The following ADGRB2 variants were observed in gnomAD, a reference collection of about 807,000 sequenced individuals.
ADGRB2 encodes brain-specific angiogenesis inhibitor 2.
Under a neutral mutation model 178.7 loss-of-function variants are expected in ADGRB2, and 47 were observed. That is an observed-to-expected ratio of 0.26 (90% CI 0.21 to 0.34). The LOEUF is 0.34. Among genes scored for constraint, ADGRB2 ranks in the 10% least tolerant of loss-of-function variants. The pLI is 1.00. For missense variants in ADGRB2, 1,584 were observed against 2,180.8 expected (o/e 0.73, Z 5.45); for synonymous variants, 870 against 912.4 (o/e 0.95, Z 0.84).
Position 31,732,605 on chromosome 1 carries a change from T to C in ADGRB2, c.3632A>G (p.Asp1211Gly). 6.2e-7 allele frequency: 1 copy of C among 1,613,938 alleles called. No individual in the cohort carries two copies. Among genetic ancestry groups the C allele is most frequent in the Non-Finnish European group, 8.5e-7 (1 of 1,179,968 alleles). ...CACCCCCATCTGGCACTTCACCACA[T>C]CCTGGACCTGGGGACAGAGGGCGCC... ...VHCFLRREVQDVVKCQMGVCR... is the reference protein window; with the variant it reads ...VHCFLRREVQGVVKCQMGVCR... The change falls in exon 27 of 33, where the codon GAT becomes GGT. Residue 1211 changes from aspartate to glycine, a missense_variant. This residue lies in a region of ADGRB2 where 865 missense variants were observed against 1,192.8 expected (regional missense o/e 0.73). Coordinates refer to ENST00000373658, the MANE Select transcript of ADGRB2 (RefSeq NM_001364857.2).
At position 31,744,378 on chromosome 1, in the gene ADGRB2, C is replaced by A; in HGVS notation, c.923-21G>T. On this transcript the variant is annotated intron_variant, in intron 5 of 32. Transcript: ENST00000373658. This position sits in a 1 kb window ranked among gnomAD's most constrained non-coding sequence, Gnocchi z 6.7. ...GTCGCCTACGAGAGAGGGACAGCGT[C>A]GGCGGCAGGGGGCACCTCCCAAGCA... is the stretch of plus-strand genomic sequence containing the variant. 1.9e-6 allele frequency: 3 copies of A among 1,547,636 alleles called. No homozygotes were observed. Among genetic ancestry groups the A allele is most frequent in the South Asian group, 1.2e-5 (1 of 83,904 alleles).
chr1:31,742,106 G>C lies in ADGRB2; in HGVS notation c.1364C>G (p.Thr455Arg). The C allele has an allele frequency of 6.2e-7, 1 of 1,613,192 alleles. No homozygotes were observed. The change falls in exon 8 of 33, where the codon ACA becomes AGA. Residue 455 changes from threonine (T) to arginine (R), a missense_variant. By Grantham distance (71) the Thr-to-Arg change is moderately conservative. Around this residue, in one of 3 missense-constraint regions of ADGRB2, gnomAD observed 657 missense variants for 847.6 expected, o/e 0.78. Transcript: ENST00000373658. ...KCSVAGPAWA[T>R]CTGALTDTRE... Reference sequence around the variant, plus strand: ...GGTGTCAGTGAGGGCACCCGTGCATGTGGCCCAGGCTGGGCCCGCCACGCT... The same window carrying C: ...GGTGTCAGTGAGGGCACCCGTGCATCTGGCCCAGGCTGGGCCCGCCACGCT...
At chr1:31,736,182 G>A (rs1382118594) in intron 22 of ADGRB2, 139 bp downstream of exon 22, 3 of 1,091,560 alleles carry the variant, frequency 2.7e-6, no homozygotes, top group African/African-American at 1.6e-5. Flanking sequence ...CCTCAGTCAG[G>A]GAAACTGAAG....
intron 4 of ADGRB2, among the ~76,000 whole-genome samples, chr1:31,747,022 GC>G (rs1646313400): frequency 6.6e-6 from 1 of 152,160 alleles, no homozygotes. Context: ...CTGCAGTCTG[GC>G]TTCTGCCCAC....
At chr1:31,742,577 A>C (rs533773490) in intron 7 of ADGRB2, among the ~76,000 whole-genome samples, 10 of 152,330 alleles carry the variant, frequency 6.6e-5, no homozygotes, top group African/African-American at 2.2e-4. Flanking sequence ...CCAAAATGCA[A>C]GGGCAGCCCA....
Position 31,758,963 on chromosome 1 carries a change from C to T in ADGRB2, c.-190-1452G>A, listed in dbSNP as rs1184649119. Among the ~76,000 whole-genome samples the T allele has an allele frequency of 6.6e-6, 1 of 152,196 alleles. No individual in the cohort carries two copies. Among genetic ancestry groups the T allele is most frequent in the East Asian group, 1.9e-4 (1 of 5,192 alleles). ...CTGCTGCCCCCAATTATTTTTAAGC[C>T]GCAAAATTCAGGCCATGGCTGCGGC... On this transcript the variant is annotated intron_variant, in intron 1 of 32. Coordinates refer to ENST00000373658, the MANE Select transcript of ADGRB2 (RefSeq NM_001364857.2). The surrounding 1 kb of genome is among the most constrained non-coding windows in gnomAD (Gnocchi z 4.2).
At chr1:31,736,801 G>C (rs1645632693) in intron 20 of ADGRB2, 78 bp from the exon 21 acceptor site, 1 of 1,519,762 alleles carries the variant, frequency 6.6e-7, no homozygotes, top group Non-Finnish European at 8.8e-7. Context: ...CACGCCCGCT[G>C]CTGGGCGCTG....
chr1:31,748,056 C>T (rs1264914323), intron 4 of ADGRB2, among the ~76,000 whole-genome samples: 2 of 152,190 alleles, frequency 1.3e-5, no homozygotes, highest in East Asian at 1.9e-4. Context: ...CCACCAAATG[C>T]GGACACGTGA....
In ADGRB2 at chr1:31,744,778, T is replaced by G. The variant is rs1569950069; in HGVS notation, c.839-47A>C. On this transcript the variant is annotated intron_variant, in intron 4 of 32. Coordinates refer to ENST00000373658, the MANE Select transcript of ADGRB2 (RefSeq NM_001364857.2). The surrounding 1 kb of genome is among the most constrained non-coding windows in gnomAD (Gnocchi z 6.7). ...AGGGGCTCAGCAAAGGCCAGCTAGG[T>G]TCTGTTACAGTGGCACAGTGAAGGC... The G allele has an allele frequency of 6.3e-7, 1 of 1,597,112 alleles. No homozygotes were observed. The highest frequency in any genetic ancestry group is 1.1e-5 in the South Asian group (1 of 90,454).
rs1242021918 is a variant in ADGRB2, at chr1:31,727,991, C to G, written c.4572+34G>C. 1 of 1,530,210 alleles carries G rather than the reference C, an allele frequency of 6.5e-7. No homozygotes were observed. Among genetic ancestry groups the G allele is most frequent in the Non-Finnish European group, 8.8e-7 (1 of 1,142,702 alleles). 94.8% of individuals were successfully genotyped at this position (1,530,210 alleles called of 1,614,324 possible). A position where few individuals can be genotyped will look rare whatever the true frequency, so the allele number is the denominator to read the frequency against. On this transcript the variant is annotated intron_variant, in intron 32 of 32. Coordinates refer to ENST00000373658, the MANE Select transcript of ADGRB2 (RefSeq NM_001364857.2). The surrounding 1 kb of genome is among the most constrained non-coding windows in gnomAD (Gnocchi z 4.4). ...GCAGGGAGGGCACGGGTCCCTCAGG[C>G]CCACCTCACCCCACCCAGCCCGGGG...
At position 31,742,941 on chromosome 1, in the gene ADGRB2, C is replaced by A. The variant is rs781087565; in HGVS notation, c.1149G>T (p.Gly383=). ...CGCAGGTCCGCATCCGGCTCCGGGA[C>A]CCCCGCCCGCAGCTGCGGGAGCACA... ...WSLCSRSCGR[G]SRSRMRTCVP... is the part of the protein sequence containing the mutation. Residue 383 remains glycine, a synonymous_variant, in exon 7 of 33, where the codon GGG becomes GGT. Coordinates refer to ENST00000373658, the MANE Select transcript of ADGRB2 (RefSeq NM_001364857.2). The A allele has an allele frequency of 6.5e-7, 1 of 1,539,200 alleles. No individual in the cohort carries two copies. The highest frequency in any genetic ancestry group is 2.0e-5 in the Admixed American group (1 of 50,398).
rs1372892234 is a variant in ADGRB2 at position 31,741,253 on chromosome 1, C to T, written c.1794+120G>A. On this transcript the variant is annotated intron_variant, in intron 11 of 32. Coordinates refer to ENST00000373658, the MANE Select transcript of ADGRB2 (RefSeq NM_001364857.2). The surrounding 1 kb of genome is among the most constrained non-coding windows in gnomAD (Gnocchi z 6.5). ...CCAGACAAGGAGAGGCACAGCCAGG[C>T]AGAAGTGGGCACAGCATATGCCAAG... 6.0e-6 allele frequency: 6 copies of T among 1,006,698 alleles called. No individual in the cohort carries two copies. Among genetic ancestry groups the T allele is most frequent in the Non-Finnish European group, 8.8e-6 (6 of 679,162 alleles). 62.4% of individuals were successfully genotyped at this position (1,006,698 alleles called of 1,614,324 possible). A position where few individuals can be genotyped will look rare whatever the true frequency, so the allele number is the denominator to read the frequency against.
Position 31,740,008 on chromosome 1 carries a change from G to C in ADGRB2, c.2085C>G (p.Leu695=). ...GGTGAATGAAGTCCTCCACGACACG[G>C]AGCAGGTGCACAGAGCCAGGGGACA... ...QQVSPGSVHL[L]RVVEDFIHLV... The change falls in exon 14 of 33, where the codon CTC becomes CTG. Residue 695 remains leucine, a synonymous_variant. Transcript: ENST00000373658. This position sits in a 1 kb window ranked among gnomAD's most constrained non-coding sequence, Gnocchi z 5.9. 6.2e-7 allele frequency: 1 copy of C among 1,614,184 alleles called. No individual in the cohort carries two copies. Among genetic ancestry groups the C allele is most frequent in the Non-Finnish European group, 8.5e-7 (1 of 1,180,032 alleles).
chr1:31,740,578 C>T lies in ADGRB2; in HGVS notation c.1795-37G>A. 6.5e-7 allele frequency: 1 copy of T among 1,542,250 alleles called. No homozygotes were observed. The highest frequency in any genetic ancestry group is 1.2e-5 in the South Asian group (1 of 80,568). On this transcript the variant is annotated intron_variant, in intron 11 of 32. Coordinates refer to ENST00000373658, the MANE Select transcript of ADGRB2 (RefSeq NM_001364857.2). This position sits in a 1 kb window ranked among gnomAD's most constrained non-coding sequence, Gnocchi z 5.9. Reference sequence around the variant, plus strand: ...GAGGGGGCCACAGTCACTGAAGTGTCAGGAGCTGGAACCAGACCCTGGCCC... The same window carrying T: ...GAGGGGGCCACAGTCACTGAAGTGTTAGGAGCTGGAACCAGACCCTGGCCC...
In ADGRB2 at chr1:31,755,920, G is replaced by T; in HGVS notation, c.838+79C>A. 1 of 1,525,746 alleles carries T rather than the reference G, an allele frequency of 6.6e-7. No homozygotes were observed. Among genetic ancestry groups the T allele is most frequent in the Non-Finnish European group, 8.8e-7 (1 of 1,130,990 alleles). The allele number at this position is 1,525,746 out of a possible 1,614,324, so 94.5% of individuals were successfully genotyped here. On this transcript the variant is annotated intron_variant, in intron 4 of 32. Transcript: ENST00000373658. The surrounding 1 kb of genome is among the most constrained non-coding windows in gnomAD (Gnocchi z 5.1). ...TCAGTGAACAGCTACATGCATGGCC[G>T]AGGATCTGCCAGGATGGACACCAGG...
intron 6 of ADGRB2, among the ~76,000 whole-genome samples, chr1:31,743,886 G>A (rs1032967982): frequency 1.3e-5 from 2 of 152,242 alleles, no homozygotes; most frequent in Admixed American, 6.5e-5. Context: ...GGGAAAGTGC[G>A]CAAGCTACTG....
In ADGRB2 at chr1:31,727,494, G is replaced by A. The variant is rs575718520; in HGVS notation, c.4684C>T (p.Arg1562Trp). ...GCTGCTGCCCGGTGCAGAGTCAGCC[G>A]TTCTCGGGGCTTGGGGGGCAGCGAG... ...LGSLPPKPRE[R>W]LTLHRAAAWE... Residue 1562 changes from arginine to tryptophan, a missense_variant, in exon 33 of 33, where the codon CGG (arginine) becomes TGG (tryptophan). Physicochemically the swap from Arg to Trp is moderately radical, Grantham distance 101. Transcript: ENST00000373658. This position sits in a 1 kb window ranked among gnomAD's most constrained non-coding sequence, Gnocchi z 4.4. 66 of 1,596,848 alleles carry A rather than the reference G, an allele frequency of 4.1e-5. No individual in the cohort carries two copies. In the South Asian group the frequency reaches 4.9e-4, roughly 12 times the overall value.
chr1:31,734,576 G>C (rs1645469037), intron 25 of ADGRB2, among the ~76,000 whole-genome samples: 1 of 152,240 alleles, frequency 6.6e-6, no homozygotes, highest in South Asian at 2.1e-4. Context: ...CCAGACCTGG[G>C]TGGGAGGTTG....
intron 17 of ADGRB2, 78 bp from the exon 18 acceptor site, chr1:31,738,404 C>G (rs746663534): frequency 2.2e-4 from 356 of 1,594,224 alleles, no homozygotes; most frequent in Non-Finnish European, 3.0e-4. Context: ...TGCCCAAGGA[C>G]AGGCTAAATC....
Sources: gnomAD v4.1 joint callset for allele counts (sites outside exome capture counted in the v4.1 genomes callset) on GRCh38, gnomAD v4.1.1 for gene constraint, gnomAD v4.1.1 regional missense constraint, Gnocchi (gnomAD v3.1) non-coding constraint, MANE v1.5 for transcripts, NCBI Gene and HGNC (gene_info 2026-07-23, HGNC 2026-07-21) for gene names.